Variants in CCDC85A observed in about 807,000 individuals in gnomAD.
CCDC85A encodes coiled-coil domain containing 85A.
A neutral mutation model predicts 50.2 loss-of-function variants in CCDC85A; 38 were observed. The observed-to-expected ratio is 0.76, with a 90% CI of 0.58 to 0.99. CCDC85A has a LOEUF of 0.99. Among genes scored for constraint, CCDC85A ranks in the 50% least tolerant of loss-of-function variants. The pLI, the probability that CCDC85A is intolerant of heterozygous loss-of-function variation, is 0.00. For synonymous variants in CCDC85A, 366 were observed against 301.4 expected, an observed-to-expected ratio of 1.21 and a Z score of -2.22; for missense variants, 820 against 742.0, an observed-to-expected ratio of 1.11 and a Z score of -1.22.
chr2:56,247,349 T>C (rs1669555601), intron 2 of CCDC85A, among the ~76,000 whole-genome samples: 1 of 152,184 alleles, frequency 6.6e-6, no homozygotes, highest in Non-Finnish European at 1.5e-5. Flanking sequence ...CAGACATGGG[T>C]CTTTTTTTTT....
chr2:56,226,813 G>C (rs550844431), intron 2 of CCDC85A, among the ~76,000 whole-genome samples: 2 of 152,096 alleles, frequency 1.3e-5, no homozygotes, highest in East Asian at 3.9e-4. Flanking sequence ...TTCTGCCACA[G>C]TTTGGAAATC....
chr2:56,184,768 C>T lies in CCDC85A; in HGVS notation c.144C>T (p.Ser48=). 6.5e-7 allele frequency: 1 copy of T among 1,546,222 alleles called. No individual in the cohort carries two copies. The highest frequency in any genetic ancestry group is 2.5e-5 in the East Asian group (1 of 40,660). The part of the protein sequence containing the change: ...KVSDEELLQW[S]KEELIRSLRR... Reference sequence around the variant, plus strand: ...CGGACGAGGAGCTGCTGCAGTGGAGCAAGGAGGAGCTGATCCGCAGCCTGC... The same window carrying T: ...CGGACGAGGAGCTGCTGCAGTGGAGTAAGGAGGAGCTGATCCGCAGCCTGC... The change falls in exon 1 of 6, where the codon AGC becomes AGT. Residue 48 remains serine (S), a synonymous_variant. Coordinates refer to ENST00000407595, the MANE Select transcript of CCDC85A (RefSeq NM_001080433.2).
intron 2 of CCDC85A, among the ~76,000 whole-genome samples, chr2:56,325,908 C>T (rs184153303): frequency 2.6e-5 from 4 of 152,268 alleles, no homozygotes; most frequent in Admixed American, 6.6e-5. Context: ...AAAGGCACCA[C>T]TGAACTGATT....
At chr2:56,382,856 C>G (rs545677665) in intron 5 of CCDC85A, among the ~76,000 whole-genome samples, 2 of 152,056 alleles carry the variant, frequency 1.3e-5, no homozygotes, top group South Asian at 2.1e-4. Flanking sequence ...CCCTCTGCTT[C>G]TAAACCACAC....
chr2:56,189,639 G>C (rs143496459), intron 1 of CCDC85A, among the ~76,000 whole-genome samples: 1 of 152,212 alleles, frequency 6.6e-6, no homozygotes, highest in Non-Finnish European at 1.5e-5. Context: ...TTTAGATTCG[G>C]AGAGTACACT....
At chr2:56,218,031 A>G (rs1668156608) in intron 2 of CCDC85A, among the ~76,000 whole-genome samples, 1 of 151,882 alleles carries the variant, frequency 6.6e-6, no homozygotes, top group Non-Finnish European at 1.5e-5. Flanking sequence ...GACATATGGT[A>G]CCTTGTCTGA....
intron 2 of CCDC85A, among the ~76,000 whole-genome samples, chr2:56,304,228 T>G (rs1357769142): frequency 6.6e-6 from 1 of 152,194 alleles, no homozygotes; most frequent in Admixed American, 6.6e-5. Context: ...CTGTGTAGTT[T>G]TAATTGGATA....
At chr2:56,284,595 A>G (rs1671347658) in intron 2 of CCDC85A, among the ~76,000 whole-genome samples, 1 of 151,340 alleles carries the variant, frequency 6.6e-6, no homozygotes, top group African/African-American at 2.4e-5. Context: ...CTGGTCTTGA[A>G]CTCCTGACCT....
At chr2:56,310,052 T>TA (rs1672619602) in intron 2 of CCDC85A, among the ~76,000 whole-genome samples, 2 of 152,194 alleles carry the variant, frequency 1.3e-5, no homozygotes, top group African/African-American at 2.4e-5. Context: ...ATATGAGATG[T>TA]GAGGAACTAA....
rs1675909018 is a variant in CCDC85A at position 56,184,568 on chromosome 2, C to T, written c.-57C>T. On this transcript the variant is annotated 5_prime_UTR_variant, in exon 1 of 6. Transcript: ENST00000407595. ...CGGAGGCGGCCTCGCCGCGCCCGCGCCTTCGGGAGTCGCCTCGCCTCTTCC... is the reference window on the plus strand; with the variant it reads ...CGGAGGCGGCCTCGCCGCGCCCGCGTCTTCGGGAGTCGCCTCGCCTCTTCC... The T allele has an allele frequency of 1.5e-6, 2 of 1,363,394 alleles. No individual in the cohort carries two copies. The highest frequency in any genetic ancestry group is 1.9e-6 in the Non-Finnish European group (2 of 1,067,822). 84.5% of individuals were successfully genotyped at this position (1,363,394 alleles called of 1,614,324 possible).
intron 2 of CCDC85A, among the ~76,000 whole-genome samples, chr2:56,272,301 C>G (rs149692627): frequency 6.6e-6 from 1 of 151,940 alleles, no homozygotes. Flanking sequence ...AAAGTATTAC[C>G]TACCATCCCA....
chr2:56,252,031 C>T (rs1669782373), intron 2 of CCDC85A, among the ~76,000 whole-genome samples: 1 of 151,380 alleles, frequency 6.6e-6, no homozygotes, highest in Non-Finnish European at 1.5e-5. Flanking sequence ...CTCATAGTTT[C>T]CCTGGCTGTA....
intron 2 of CCDC85A, among the ~76,000 whole-genome samples, chr2:56,284,849 T>G (rs938874537): frequency 6.6e-6 from 1 of 152,228 alleles, no homozygotes; most frequent in Non-Finnish European, 1.5e-5. Context: ...CATTATGAAT[T>G]GTCTTTCATT....
intron 2 of CCDC85A, among the ~76,000 whole-genome samples, chr2:56,260,649 C>A (rs1558611230): frequency 6.6e-6 from 1 of 152,158 alleles, no homozygotes; most frequent in Non-Finnish European, 1.5e-5. Context: ...GCATTGCTGC[C>A]AGGAAGCATC....
chr2:56,273,988 T>G (rs1670813453), intron 2 of CCDC85A, among the ~76,000 whole-genome samples: 1 of 152,182 alleles, frequency 6.6e-6, no homozygotes, highest in Admixed American at 6.5e-5. Context: ...ATATAAAAAC[T>G]AAACATGATC....
At chr2:56,275,674 G>A (rs988534900) in intron 2 of CCDC85A, among the ~76,000 whole-genome samples, 3 of 152,172 alleles carry the variant, frequency 2.0e-5, no homozygotes, top group South Asian at 4.2e-4. Context: ...GTTTTAATCC[G>A]GCTTTAGAGT....
rs1279389586 is a variant in CCDC85A, at chr2:56,350,086, T to TA, written c.1317+7143dup. Reference sequence around the variant, plus strand: ...AATGCTTTTCTGTTCTTCTTTTGCTTAAAAAAAAAAAAGCCAAAAACAAGA... The same window carrying TA: ...AATGCTTTTCTGTTCTTCTTTTGCTTAAAAAAAAAAAAAGCCAAAAACAAGA... On this transcript the variant is annotated intron_variant, in intron 3 of 5. Transcript: ENST00000407595. Among the ~76,000 whole-genome samples the TA allele has an allele frequency of 6.9e-4, 97 of 141,280 alleles. 1 individual carries two copies. The highest frequency in any genetic ancestry group is 3.6e-3 in the Middle Eastern group (1 of 276). The allele number at this position is 141,280 out of a possible 152,430, so 92.7% of individuals were successfully genotyped here. A position where few individuals can be genotyped will look rare whatever the true frequency, so the allele number is the denominator to read the frequency against.
At chr2:56,276,185 G>A (rs1053006158) in intron 2 of CCDC85A, among the ~76,000 whole-genome samples, 2 of 152,070 alleles carry the variant, frequency 1.3e-5, no homozygotes, top group African/African-American at 4.8e-5. Flanking sequence ...GAACTTCTGA[G>A]TATAGATATA....
chr2:56,306,681 G>A (rs1367409039), intron 2 of CCDC85A, among the ~76,000 whole-genome samples: 1 of 152,124 alleles, frequency 6.6e-6, no homozygotes, highest in East Asian at 1.9e-4. Flanking sequence ...ATTTGCAACT[G>A]GAGATCTTCT....
Sources: allele counts gnomAD v4.1 joint callset (sites outside exome capture counted in the v4.1 genomes callset), GRCh38; gene constraint gnomAD v4.1.1; transcripts MANE v1.5; gene names NCBI Gene and HGNC (gene_info 2026-07-23, HGNC 2026-07-21).